The following RABGAP1L variants were observed in gnomAD, a reference collection of about 807,000 sequenced individuals.
RABGAP1L encodes the protein RAB GTPase activating protein 1 like.
RABGAP1L carries 63 observed loss-of-function variants against 137.7 expected under a neutral mutation model. The observed-to-expected ratio is 0.46, with a 90% CI of 0.37 to 0.56. RABGAP1L has a LOEUF of 0.56. Ranked by LOEUF, RABGAP1L falls within the 20% of genes least tolerant of loss-of-function variation. The pLI, the probability that RABGAP1L is intolerant of heterozygous loss-of-function variation, is 0.00. For synonymous variants in RABGAP1L, 431 were observed against 433.7 expected, an observed-to-expected ratio of 0.99 and a Z score of 0.08; for missense variants, 1,095 against 1,244.0, an observed-to-expected ratio of 0.88 and a Z score of 1.80.
intron 13 of RABGAP1L, among the ~76,000 whole-genome samples, chr1:174,560,252 G>T (rs1230400385): frequency 2.0e-5 from 3 of 151,884 alleles, no homozygotes; most frequent in African/African-American, 4.8e-5. Context: ...TCCTCATCCT[G>T]CAGACTGCAC....
At chr1:174,433,062 T>C (rs1260796980) in intron 13 of RABGAP1L, among the ~76,000 whole-genome samples, 1 of 152,240 alleles carries the variant, frequency 6.6e-6, no homozygotes, top group East Asian at 1.9e-4. Context: ...CTTTACATGC[T>C]TTAAGTTTTA....
At chr1:174,455,650 C>T (rs1459226999) in intron 13 of RABGAP1L, among the ~76,000 whole-genome samples, 1 of 151,752 alleles carries the variant, frequency 6.6e-6, no homozygotes, top group Non-Finnish European at 1.5e-5. Flanking sequence ...TAGTAGATGG[C>T]GTATTTTTAT....
rs1050235182 is a variant in RABGAP1L, at chr1:174,380,433, T to G, written c.1559+9361T>G. ...CATCTGGTCCTGGACTCTTTTTGGT[T>G]GGTAAACTATTGATTATTGCCACAA... On this transcript the variant is annotated intron_variant, in intron 12 of 25. Transcript: ENST00000681986. 2.3e-4 allele frequency among the ~76,000 whole-genome samples: 35 copies of G among 151,178 alleles called. No homozygotes were observed. In the East Asian group the frequency reaches 5.7e-3, roughly 25 times the overall value.
intron 19 of RABGAP1L, among the ~76,000 whole-genome samples, chr1:174,925,092 C>T (rs1573853144): frequency 6.6e-6 from 1 of 151,976 alleles, no homozygotes; most frequent in African/African-American, 2.4e-5. Flanking sequence ...TGGGCCGGGC[C>T]TGGTGGCTCA....
chr1:174,666,673 C>G (rs1676808236), intron 14 of RABGAP1L, among the ~76,000 whole-genome samples: 1 of 152,092 alleles, frequency 6.6e-6, no homozygotes, highest in East Asian at 1.9e-4. Context: ...TCCTTTTTAC[C>G]TATAAATGTG....
At chr1:174,851,239 C>T (rs1648275163) in intron 19 of RABGAP1L, among the ~76,000 whole-genome samples, 1 of 152,160 alleles carries the variant, frequency 6.6e-6, no homozygotes, top group South Asian at 2.1e-4. Context: ...AACTTTAATA[C>T]ATGTGGGCTT....
At chr1:174,461,407 G>C (rs1361991086) in intron 13 of RABGAP1L, among the ~76,000 whole-genome samples, 1 of 152,170 alleles carries the variant, frequency 6.6e-6, no homozygotes, top group African/African-American at 2.4e-5. Context: ...TTTTACGTTA[G>C]AAAAGTCACA....
intron 13 of RABGAP1L, among the ~76,000 whole-genome samples, chr1:174,424,728 C>CT (rs34975762): frequency 0.35 from 53,457 of 151,742 alleles, 12,065 homozygotes; most frequent in African/African-American, 0.64. Context: ...TACATTTATT[C>CT]TTTTTTTCCA....
At chr1:174,886,267 C>T (rs919911914) in intron 19 of RABGAP1L, among the ~76,000 whole-genome samples, 1 of 152,118 alleles carries the variant, frequency 6.6e-6, no homozygotes, top group Non-Finnish European at 1.5e-5. Flanking sequence ...CCGCCTTGAC[C>T]TCCCAAAGTG....
intron 18 of RABGAP1L, among the ~76,000 whole-genome samples, chr1:174,805,191 G>A (rs961866852): frequency 7.2e-5 from 11 of 152,124 alleles, no homozygotes; most frequent in Non-Finnish European, 1.5e-4. Context: ...TTATGTGTCA[G>A]GCAATTTGCT....
chr1:174,806,858 TC>T (rs1199289176), intron 18 of RABGAP1L, among the ~76,000 whole-genome samples: 8 of 152,218 alleles, frequency 5.3e-5, no homozygotes, highest in African/African-American at 1.9e-4. Flanking sequence ...CAATATCAGC[TC>T]ACTGCAGCCT....
intron 13 of RABGAP1L, among the ~76,000 whole-genome samples, chr1:174,414,570 C>T (rs570095677): frequency 6.6e-6 from 1 of 151,938 alleles, no homozygotes; most frequent in South Asian, 2.1e-4. Context: ...AATAAATAAG[C>T]ATTGAATGAC....
intron 13 of RABGAP1L, among the ~76,000 whole-genome samples, chr1:174,398,116 T>C (rs78176042): frequency 0.073 from 11,135 of 152,212 alleles, 606 homozygotes; most frequent in East Asian, 0.32. Flanking sequence ...CCTCAAGGGC[T>C]CATTACCTGC....
chr1:174,877,743 A>G (rs1653381322), intron 19 of RABGAP1L: 1 of 831,466 alleles, frequency 1.2e-6, no homozygotes, highest in Non-Finnish European at 1.9e-6. Flanking sequence ...TATTTACATA[A>G]TTAAACACTC....
intron 11 of RABGAP1L, among the ~76,000 whole-genome samples, chr1:174,321,456 T>A (rs2148827662): frequency 6.6e-6 from 1 of 152,288 alleles, no homozygotes; most frequent in Non-Finnish European, 1.5e-5. Context: ...TCATGGAAAC[T>A]GCCGACATGT....
chr1:174,187,564 A>C (rs894729915), intron 1 of RABGAP1L, among the ~76,000 whole-genome samples: 1 of 152,204 alleles, frequency 6.6e-6, no homozygotes, highest in African/African-American at 2.4e-5. Flanking sequence ...GTGTACATCC[A>C]AGTATGCATT....
intron 1 of RABGAP1L, among the ~76,000 whole-genome samples, chr1:174,183,203 A>G (rs767120593): frequency 6.6e-6 from 1 of 152,244 alleles, no homozygotes; most frequent in African/African-American, 2.4e-5. Flanking sequence ...TTCTTGATCT[A>G]TTATTAGCAT....
intron 13 of RABGAP1L, among the ~76,000 whole-genome samples, chr1:174,612,269 T>C (rs981295940): frequency 6.6e-6 from 1 of 152,202 alleles, no homozygotes; most frequent in Non-Finnish European, 1.5e-5. Flanking sequence ...GCATGAAGCA[T>C]TGTTGAATTT....
chr1:174,854,602 T>C (rs1341613871), intron 19 of RABGAP1L, among the ~76,000 whole-genome samples: 1 of 151,506 alleles, frequency 6.6e-6, no homozygotes, highest in East Asian at 1.9e-4. Context: ...AATTAGACCC[T>C]TAAGGGCCTA....
Sources: gnomAD v4.1 joint callset for allele counts (sites outside exome capture counted in the v4.1 genomes callset) on GRCh38, gnomAD v4.1.1 for gene constraint, MANE v1.5 for transcripts, NCBI Gene and HGNC (gene_info 2026-07-23, HGNC 2026-07-21) for gene names.